LRPPRC: variants seen among roughly 807,000 people sequenced by gnomAD.
The protein encoded by LRPPRC is leucine rich pentatricopeptide repeat containing.
A neutral mutation model predicts 180.3 loss-of-function variants in LRPPRC; 120 were observed. The ratio of observed to expected loss-of-function variants is 0.67; its 90% CI spans 0.57 to 0.77. The LOEUF is 0.77. Among genes scored for constraint, LRPPRC ranks in the 30% least tolerant of loss-of-function variants. LRPPRC has a pLI of 0.00. For missense variants in LRPPRC, 2,012 were observed against 1,657.2 expected (o/e 1.21, Z -3.72); for synonymous variants, 723 against 600.0 (o/e 1.21, Z -3.00).
chr2:43,924,396 C>T (rs1671803939), intron 27 of LRPPRC, among the ~76,000 whole-genome samples: 1 of 151,960 alleles, frequency 6.6e-6, no homozygotes, highest in Non-Finnish European at 1.5e-5. Flanking sequence ...AAGATTTCAG[C>T]CTCAAAAAAC....
In LRPPRC at chr2:43,980,584, AAG is replaced by A. The variant is rs5830779; in HGVS notation, c.347-638_347-637del. Reference sequence around the variant, plus strand: ...AAAAAAAAAAAAGAAGAAAGAAAGAAAGAGAGAGAGAGAGAGAAAGAAAGAAT... The same window carrying A: ...AAAAAAAAAAAAGAAGAAAGAAAGAAAGAGAGAGAGAGAGAAAGAAAGAAT... On this transcript the variant is annotated intron_variant, in intron 2 of 37. Transcript: ENST00000260665. Among the ~76,000 whole-genome samples the A allele has an allele frequency of 2.5e-3, 328 of 132,784 alleles. 1 individual carries two copies. Among genetic ancestry groups the A allele is most frequent in the Middle Eastern group, 0.019 (5 of 260 alleles). 87.1% of individuals were successfully genotyped at this position (132,784 alleles called of 152,430 possible). A position where few individuals can be genotyped will look rare whatever the true frequency, so the allele number is the denominator to read the frequency against.
chr2:43,937,518 AAT>A (rs1399598117), intron 23 of LRPPRC, among the ~76,000 whole-genome samples: 1 of 152,190 alleles, frequency 6.6e-6, no homozygotes, highest in African/African-American at 2.4e-5. Context: ...GGAAATGAAA[AAT>A]ATGTTTAAAA....
chr2:43,946,368 T>A (rs1572953548), intron 20 of LRPPRC, 125 bp from the exon 21 acceptor site: 2 of 728,138 alleles, frequency 2.7e-6, no homozygotes, highest in Non-Finnish European at 4.8e-6. Flanking sequence ...GGTTTCATGT[T>A]AACAACCTGA....
At chr2:43,986,385 C>T (rs1162166551) in intron 1 of LRPPRC, among the ~76,000 whole-genome samples, 3 of 152,174 alleles carry the variant, frequency 2.0e-5, no homozygotes, top group Admixed American at 6.5e-5. Flanking sequence ...CCACCTTGGC[C>T]TCCCAAAGTG....
intron 23 of LRPPRC, among the ~76,000 whole-genome samples, chr2:43,939,010 C>T (rs1200020492): frequency 6.6e-6 from 1 of 151,814 alleles, no homozygotes; most frequent in East Asian, 1.9e-4. Flanking sequence ...CGGTGGCTCA[C>T]GCCTGTAATC....
At chr2:43,909,682 GAT>G (rs1671189752) in intron 30 of LRPPRC, among the ~76,000 whole-genome samples, 1 of 151,422 alleles carries the variant, frequency 6.6e-6, no homozygotes, top group Admixed American at 6.6e-5. Context: ...GAAGGGGAAG[GAT>G]ATGTTTGTGG....
intron 37 of LRPPRC, 149 bp downstream of exon 37, chr2:43,889,585 T>C: frequency 1.4e-6 from 1 of 732,540 alleles, no homozygotes; most frequent in Non-Finnish European, 2.5e-6. Flanking sequence ...CAAGGCATGC[T>C]GCTCAGTCCC....
chr2:43,919,329 T>C (rs1286457573), intron 27 of LRPPRC, among the ~76,000 whole-genome samples: 1 of 152,220 alleles, frequency 6.6e-6, no homozygotes, highest in Non-Finnish European at 1.5e-5. Context: ...TGCTGCCGTA[T>C]AGTACACAGC....
At position 43,943,712 on chromosome 2, in the gene LRPPRC, G is replaced by C. The variant is rs1445679105; in HGVS notation, c.2479C>G (p.Pro827Ala). Residue 827 changes from proline (P) to alanine (A), a missense_variant, in exon 23 of 38, where the codon CCA becomes GCA. Transcript: ENST00000260665. ...TTTTCCAAGTGTACAGTGACCAATG[G>C]GAAACTTATGTTGGTGGATGGTTCT... ...LAEPSTNISF[P>A]LVTVHLEKGD... 2 of 1,613,116 alleles carry C rather than the reference G, an allele frequency of 1.2e-6. No individual in the cohort carries two copies. Among genetic ancestry groups the C allele is most frequent in the African/African-American group, 2.7e-5 (2 of 74,882 alleles).
chr2:43,892,626 A>AC (rs1670531775), intron 36 of LRPPRC: 1 of 152,172 alleles, frequency 6.6e-6, no homozygotes, highest in Non-Finnish European at 1.5e-5. Context: ...TGCCCTAATA[A>AC]AACATCCATT....
At chr2:43,990,263 G>C (rs1361032532) in intron 1 of LRPPRC, among the ~76,000 whole-genome samples, 1 of 151,878 alleles carries the variant, frequency 6.6e-6, no homozygotes, top group African/African-American at 2.4e-5. Flanking sequence ...AGGTACCATT[G>C]TTTACCCTAA....
At chr2:43,923,057 G>C (rs918801405) in intron 27 of LRPPRC, among the ~76,000 whole-genome samples, 5 of 151,848 alleles carry the variant, frequency 3.3e-5, no homozygotes, top group Admixed American at 1.3e-4. Context: ...TTGGAGACAG[G>C]TGTCCAATAG....
chr2:43,896,829 C>A (rs1216602373), intron 34 of LRPPRC, 121 bp from the exon 35 acceptor site: 2 of 689,430 alleles, frequency 2.9e-6, no homozygotes, highest in Non-Finnish European at 5.3e-6. Flanking sequence ...AATAGGAAGG[C>A]CTAATAGTCG....
rs180786708 is a variant in LRPPRC at position 43,893,935 on chromosome 2, G to A, written c.3985+610C>T. Among the ~76,000 whole-genome samples the A allele has an allele frequency of 2.0e-3, 301 of 152,282 alleles. 1 individual carries two copies. The highest frequency in any genetic ancestry group is 7.1e-3 in the African/African-American group (296 of 41,566). On this transcript the variant is annotated intron_variant, in intron 36 of 37. Coordinates refer to ENST00000260665, the MANE Select transcript of LRPPRC (RefSeq NM_133259.4). ...AGCAAATCAGTGGGCCACAGATGGA[G>A]AGGTGATCATGATTGAGAAATGCTA... is the stretch of plus-strand genomic sequence containing the variant.
chr2:43,900,260 A>C (rs1572895228), intron 32 of LRPPRC, among the ~76,000 whole-genome samples: 2 of 152,162 alleles, frequency 1.3e-5, no homozygotes, highest in African/African-American at 4.8e-5. Flanking sequence ...GTTATGGTAA[A>C]AATTATCTCT....
At chr2:43,991,521 T>G (rs924877235) in intron 1 of LRPPRC, among the ~76,000 whole-genome samples, 1 of 152,198 alleles carries the variant, frequency 6.6e-6, no homozygotes, top group African/African-American at 2.4e-5. Context: ...ATCTTTCCTC[T>G]GAAGTATACA....
At chr2:43,901,197 A>G (rs1056666605) in intron 32 of LRPPRC, 123 bp downstream of exon 32, 1 of 715,456 alleles carries the variant, frequency 1.4e-6, no homozygotes, top group Non-Finnish European at 2.5e-6. Context: ...AGCAACTAGC[A>G]TCAACATTTC....
At chr2:43,905,266 T>G (rs573213725) in intron 31 of LRPPRC, among the ~76,000 whole-genome samples, 1 of 152,252 alleles carries the variant, frequency 6.6e-6, no homozygotes, top group South Asian at 2.1e-4. Flanking sequence ...ATTTGGTATC[T>G]CACACACAAC....
intron 11 of LRPPRC, among the ~76,000 whole-genome samples, chr2:43,972,072 T>C (rs974409099): frequency 5.3e-5 from 8 of 152,170 alleles, no homozygotes; most frequent in Non-Finnish European, 1.2e-4. Context: ...AAACACAGTA[T>C]AGTACTTACA....
Sources: allele counts gnomAD v4.1 joint callset (sites outside exome capture counted in the v4.1 genomes callset), GRCh38; gene constraint gnomAD v4.1.1; transcripts MANE v1.5; gene names NCBI Gene and HGNC (gene_info 2026-07-23, HGNC 2026-07-21).